The following MEGF8 variants were observed in gnomAD, a reference collection of about 807,000 sequenced individuals.
The protein encoded by MEGF8 is multiple epidermal growth factor-like domains protein 8.
MEGF8 carries 156 observed loss-of-function variants against 302.9 expected under a neutral mutation model. The ratio of observed to expected loss-of-function variants is 0.52; its 90% CI spans 0.45 to 0.59. The LOEUF is 0.59. Among genes scored for constraint, MEGF8 ranks in the 20% least tolerant of loss-of-function variants. MEGF8 has a pLI of 0.00. For missense variants in MEGF8, 3,345 were observed against 3,964.5 expected (o/e 0.84, Z 4.20); for synonymous variants, 1,621 against 1,660.5 (o/e 0.98, Z 0.58).
chr19:42,332,872 T>G (rs1298389224), intron 1 of MEGF8, among the ~76,000 whole-genome samples: 4 of 152,204 alleles, frequency 2.6e-5, no homozygotes, highest in Non-Finnish European at 4.4e-5. Context: ...GCCTATAAGT[T>G]TGATTCCACC....
Position 42,333,586 on chromosome 19 carries a change from C to T in MEGF8, c.188-19C>T, listed in dbSNP as rs779153996. 1.1e-5 allele frequency: 18 copies of T among 1,610,138 alleles called. No individual in the cohort carries two copies. Among genetic ancestry groups the T allele is most frequent in the Non-Finnish European group, 1.4e-5 (17 of 1,177,454 alleles). Reference sequence around the variant, plus strand: ...GAAGGTCCGCTTTAGAGCTTGGTCCCTCTGTGCTCACCTCCCAGCCCCAAG... The same window carrying T: ...GAAGGTCCGCTTTAGAGCTTGGTCCTTCTGTGCTCACCTCCCAGCCCCAAG... On this transcript the variant is annotated intron_variant, in intron 1 of 41. Coordinates refer to ENST00000251268, the MANE Select transcript of MEGF8 (RefSeq NM_001271938.2).
At position 42,353,289 on chromosome 19, in the gene MEGF8, C is replaced by T. The variant is rs2039403066; in HGVS notation, c.3550+162C>T. ...GACTCAAACAGGTTTCAGTGCCACC[C>T]GTCACTCTGGTTGGGCTTCAGTTCC... is the stretch of plus-strand genomic sequence containing the variant. On this transcript the variant is annotated intron_variant, in intron 20 of 41. Coordinates refer to ENST00000251268, the MANE Select transcript of MEGF8 (RefSeq NM_001271938.2). The surrounding 1 kb of genome is among the most constrained non-coding windows in gnomAD (Gnocchi z 6.1). 6.6e-6 allele frequency among the ~76,000 whole-genome samples: 1 copy of T among 152,214 alleles called. No homozygotes were observed. The highest frequency in any genetic ancestry group is 6.5e-5 in the Admixed American group (1 of 15,286).
rs779109120 is a variant in MEGF8 at position 42,344,743 on chromosome 19, G to A, written c.2007G>A (p.Thr669=). 1.8e-5 allele frequency: 29 copies of A among 1,612,282 alleles called. No individual in the cohort carries two copies. The highest frequency in any genetic ancestry group is 3.3e-4 in the Middle Eastern group (2 of 5,988). The stretch of plus-strand genomic sequence containing the variant: ...GGGGGCCTGCGCCTGTCTTCGTCAC[G>A]TCCCTGGAGGCCTGCGTCACCCAGA... ...GWWGPAPVFV[T]SLEACVTQSF... Residue 669 remains threonine, a synonymous_variant, in exon 12 of 42, where the codon ACG becomes ACA. Transcript: ENST00000251268. This position sits in a 1 kb window ranked among gnomAD's most constrained non-coding sequence, Gnocchi z 4.5.
chr19:42,350,329 T>A lies in MEGF8; in HGVS notation c.2681T>A (p.Val894Glu), dbSNP rs2039350288. ...DGAGGSLLVLVPTLCPLCEEH... is the reference protein window; with the variant it reads ...DGAGGSLLVLEPTLCPLCEEH... Reference sequence around the variant, plus strand: ...GCTGGTGGGTCCCTGCTGGTGCTGGTGCCTACCCTCTGCCCACTCTGCGAG... The same window carrying A: ...GCTGGTGGGTCCCTGCTGGTGCTGGAGCCTACCCTCTGCCCACTCTGCGAG... Residue 894 changes from valine to glutamate, a missense_variant, in exon 15 of 42, where the codon GTG (valine) becomes GAG (glutamate). Transcript: ENST00000251268. 1.2e-6 allele frequency: 2 copies of A among 1,606,644 alleles called. No individual in the cohort carries two copies. The highest frequency in any genetic ancestry group is 3.3e-5 in the Admixed American group (2 of 59,904).
Position 42,343,994 on chromosome 19 carries a change from T to A in MEGF8, c.1709T>A (p.Val570Asp). 6.2e-7 allele frequency: 1 copy of A among 1,613,758 alleles called. No homozygotes were observed. The highest frequency in any genetic ancestry group is 8.5e-7 in the Non-Finnish European group (1 of 1,179,774). ...TGCTCCATGTACACAGACCACAGCG[T>A]CTGCTCCCGGGACCCGGAATGCAGT... ...DYCSMYTDHS[V>D]CSRDPECSWC... The change falls in exon 10 of 42, where the codon GTC (valine) becomes GAC (aspartate). Residue 570 changes from valine (V) to aspartate (D), a missense_variant. Physicochemically the swap from Val to Asp is radical, Grantham distance 152 (BLOSUM62 -3). Transcript: ENST00000251268.
intron 13 of MEGF8, among the ~76,000 whole-genome samples, chr19:42,349,141 A>G (rs575293641): frequency 1.3e-5 from 2 of 152,212 alleles, no homozygotes; most frequent in South Asian, 4.1e-4. Context: ...CTCTCCAAAA[A>G]ATACAAAAAT....
chr19:42,366,357 C>T (rs2039606320), intron 35 of MEGF8, among the ~76,000 whole-genome samples: 1 of 152,126 alleles, frequency 6.6e-6, no homozygotes, highest in South Asian at 2.1e-4. Flanking sequence ...CACGCCACCA[C>T]ACCTGGCTAA....
At position 42,353,817 on chromosome 19, in the gene MEGF8, C is replaced by T. The variant is rs780442723; in HGVS notation, c.3804C>T (p.Leu1268=). The T allele has an allele frequency of 2.1e-5, 34 of 1,610,380 alleles. No individual in the cohort carries two copies. The highest frequency in any genetic ancestry group is 1.8e-4 in the Admixed American group (11 of 59,812). The change falls in exon 22 of 42, where the codon CTC becomes CTT. Residue 1268 remains leucine (L), a synonymous_variant. Transcript: ENST00000251268. This position sits in a 1 kb window ranked among gnomAD's most constrained non-coding sequence, Gnocchi z 6.1. Reference sequence around the variant, plus strand: ...TTCGGGAGTGTGGGGGTCGCGCCCTCCTCACCAACGTGTCCTCAGTGGCAC... The same window carrying T: ...TTCGGGAGTGTGGGGGTCGCGCCCTTCTCACCAACGTGTCCTCAGTGGCAC... ...SCFRECGGRA[L]LTNVSSVALG...
intron 1 of MEGF8, among the ~76,000 whole-genome samples, chr19:42,327,874 C>A (rs867324817): frequency 6.6e-6 from 1 of 152,194 alleles, no homozygotes; most frequent in South Asian, 2.1e-4. Context: ...GCCGGCAGAT[C>A]GCCTGAAGTC....
At position 42,356,877 on chromosome 19, in the gene MEGF8, G is replaced by T; in HGVS notation, c.4726G>T (p.Ala1576Ser). The T allele has an allele frequency of 6.3e-7, 1 of 1,599,158 alleles. No individual in the cohort carries two copies. Among genetic ancestry groups the T allele is most frequent in the Non-Finnish European group, 8.5e-7 (1 of 1,173,398 alleles). Residue 1576 changes from alanine to serine, a missense_variant, in exon 27 of 42, where the codon GCT (alanine) becomes TCT (serine). Physicochemically the swap from Ala to Ser is moderately conservative, Grantham distance 99 (BLOSUM62 1). Coordinates refer to ENST00000251268, the MANE Select transcript of MEGF8 (RefSeq NM_001271938.2). The surrounding 1 kb of genome is among the most constrained non-coding windows in gnomAD (Gnocchi z 5.2). The part of the protein sequence containing the change: ...RSFHAAAYVP[A>S]GRGAMYLLGG... Reference sequence around the variant, plus strand: ...CTTCCATGCAGCCGCATATGTGCCCGCTGGCCGTGGTGCCATGTATCTGCT... The same window carrying T: ...CTTCCATGCAGCCGCATATGTGCCCTCTGGCCGTGGTGCCATGTATCTGCT...
chr19:42,353,654 C>A lies in MEGF8; in HGVS notation c.3740C>A (p.Pro1247Gln). 1 of 1,579,994 alleles carries A rather than the reference C, an allele frequency of 6.3e-7. No homozygotes were observed. Among genetic ancestry groups the A allele is most frequent in the East Asian group, 2.3e-5 (1 of 43,532 alleles). The change falls in exon 21 of 42, where the codon CCA becomes CAA. Residue 1247 changes from proline (P) to glutamine (Q), a missense_variant. Pro to Gln is a moderately conservative substitution (Grantham distance 76). Transcript: ENST00000251268. The surrounding 1 kb of genome is among the most constrained non-coding windows in gnomAD (Gnocchi z 6.1). ...TEGAHCQLCS[P>Q]GYYGDPRAGG... ...GGTGCCCACTGCCAGCTCTGCTCCCCAGGCTATTATGGGGATCCCCGGTGA... is the reference window on the plus strand; with the variant it reads ...GGTGCCCACTGCCAGCTCTGCTCCCAAGGCTATTATGGGGATCCCCGGTGA...
chr19:42,361,626 G>A (rs62114378), intron 32 of MEGF8, among the ~76,000 whole-genome samples: 3 of 152,194 alleles, frequency 2.0e-5, no homozygotes, highest in Non-Finnish European at 2.9e-5. Context: ...AGTCTGAAAC[G>A]TGTGTACCTC....
rs746330933 is a variant in MEGF8, at chr19:42,352,376, C to T, written c.3270C>T (p.Thr1090=). ...TGGCCCGGTGCCACCCGCGGGCGAC[C>T]TGCCTGAACACGCCCCTCAGCTACG... is the stretch of plus-strand genomic sequence containing the variant. ...LGLARCHPRA[T]CLNTPLSYEC... The change falls in exon 19 of 42, where the codon ACC becomes ACT. Residue 1090 remains threonine (T), a synonymous_variant. Transcript: ENST00000251268. The surrounding 1 kb of genome is among the most constrained non-coding windows in gnomAD (Gnocchi z 4.4). The T allele has an allele frequency of 6.9e-6, 11 of 1,591,582 alleles. No homozygotes were observed. Among genetic ancestry groups the T allele is most frequent in the Non-Finnish European group, 8.5e-6 (10 of 1,169,834 alleles).
chr19:42,335,860 T>C, intron 5 of MEGF8, 71 bp from the exon 6 acceptor site: 1 of 1,366,516 alleles, frequency 7.3e-7, no homozygotes, highest in Non-Finnish European at 9.6e-7. Context: ...TGGCTCTGCA[T>C]CTCTCTGTCT....
chr19:42,343,452 G>T, intron 8 of MEGF8, 25 bp from the exon 9 acceptor site: 1 of 1,569,932 alleles, frequency 6.4e-7, no homozygotes, highest in Non-Finnish European at 8.7e-7. Context: ...GTCTAATAAT[G>T]TCATTGGGGT....
In MEGF8 at chr19:42,357,392, T is replaced by A; in HGVS notation, c.4831-12T>A. ...CTAGCCCCATCGGTGACCTTGCCCCTCCATCCCTCAGGCCCCCCAGACCGT... is the reference window on the plus strand; with the variant it reads ...CTAGCCCCATCGGTGACCTTGCCCCACCATCCCTCAGGCCCCCCAGACCGT... On this transcript the variant is annotated splice_polypyrimidine_tract_variant and intron_variant, in intron 27 of 41. Coordinates refer to ENST00000251268, the MANE Select transcript of MEGF8 (RefSeq NM_001271938.2). This position sits in a 1 kb window ranked among gnomAD's most constrained non-coding sequence, Gnocchi z 5.2. 6.2e-7 allele frequency: 1 copy of A among 1,610,962 alleles called. No homozygotes were observed. Among genetic ancestry groups the A allele is most frequent in the South Asian group, 1.1e-5 (1 of 90,916 alleles).
At position 42,360,810 on chromosome 19, in the gene MEGF8, G is replaced by C. The variant is rs143508185; in HGVS notation, c.5524G>C (p.Val1842Leu). ...TGTGGGGCCCCCAATGGAGGAGTCT[G>C]TGGCCCATGCTGTGGCAGCAGTCGG... The part of the protein sequence containing the change: ...ASVGPPMEES[V>L]AHAVAAVGSR... The change falls in exon 32 of 42, where the codon GTG (valine) becomes CTG (leucine). Residue 1842 changes from valine (V) to leucine (L), a missense_variant. Transcript: ENST00000251268. 565 of 1,603,882 alleles carry C rather than the reference G, an allele frequency of 3.5e-4. 2 individuals carry two copies. Among genetic ancestry groups the C allele is most frequent in the Non-Finnish European group, 6.8e-5 (80 of 1,175,582 alleles).
chr19:42,346,293 C>A (rs2039287709), intron 12 of MEGF8, among the ~76,000 whole-genome samples: 2 of 152,284 alleles, frequency 1.3e-5, no homozygotes, highest in South Asian at 4.1e-4. Context: ...GTGGCTCACG[C>A]CTGTAATTCC....
In MEGF8 at chr19:42,350,464, G is replaced by T. The variant is rs76031723; in HGVS notation, c.2736+80G>T. On this transcript the variant is annotated intron_variant, in intron 15 of 41. Transcript: ENST00000251268. Reference sequence around the variant, plus strand: ...ATGGGCAGTCAAGGGAACCCCTGGTGGGGGGTGTGGGGGAAACAGCAAGGG... The same window carrying T: ...ATGGGCAGTCAAGGGAACCCCTGGTTGGGGGTGTGGGGGAAACAGCAAGGG... 1,288 of 1,264,776 alleles carry T rather than the reference G, an allele frequency of 1.0e-3. 16 individuals carry two copies. In the African/African-American group the frequency reaches 0.016, roughly 16 times the overall value. The allele number at this position is 1,264,776 out of a possible 1,614,324, so 78.3% of individuals were successfully genotyped here.
Sources: gnomAD v4.1 joint callset for allele counts (sites outside exome capture counted in the v4.1 genomes callset) on GRCh38, gnomAD v4.1.1 for gene constraint, Gnocchi (gnomAD v3.1) non-coding constraint, MANE v1.5 for transcripts, NCBI Gene and HGNC (gene_info 2026-07-23, HGNC 2026-07-21) for gene names.